ACTR3: variants seen among roughly 807,000 people sequenced by gnomAD.
ACTR3 encodes actin related protein 3, also known as actin-related protein 3.
Under a neutral mutation model 56.8 loss-of-function variants are expected in ACTR3, and 12 were observed. The observed-to-expected ratio is 0.21, with a 90% CI of 0.14 to 0.34. ACTR3 has a LOEUF of 0.34. ACTR3 is among the 10% of genes least tolerant of loss of function. The pLI is 1.00. For missense variants in ACTR3, 282 were observed against 512.5 expected (o/e 0.55, Z 4.34); for synonymous variants, 162 against 167.4 (o/e 0.97, Z 0.25).
At chr2:113,955,600 G>A (rs377127781) in intron 10 of ACTR3, 23 bp from the exon 11 acceptor site, 98 of 1,528,796 alleles carry the variant, frequency 6.4e-5, no homozygotes, top group Non-Finnish European at 8.3e-5. Flanking sequence ...CTATGAAGAT[G>A]ATCATACTAT....
At chr2:113,950,457 G>A (rs1296795904) in intron 8 of ACTR3, among the ~76,000 whole-genome samples, 2 of 152,194 alleles carry the variant, frequency 1.3e-5, no homozygotes, top group Non-Finnish European at 2.9e-5. Flanking sequence ...AATGGGGAAT[G>A]TGCACATCAG....
chr2:113,894,086 G>C (rs964773028), intron 1 of ACTR3, among the ~76,000 whole-genome samples: 10 of 151,490 alleles, frequency 6.6e-5, no homozygotes, highest in Admixed American at 1.3e-4. Context: ...TAATAATAAT[G>C]CTGTTTCTTT....
At chr2:113,930,822 A>G (rs946579232) in intron 4 of ACTR3, among the ~76,000 whole-genome samples, 1 of 152,230 alleles carries the variant, frequency 6.6e-6, no homozygotes, top group Non-Finnish European at 1.5e-5. Flanking sequence ...AGAAAGCTGT[A>G]CCATTAGATC....
At chr2:113,907,244 T>G (rs1259552863) in intron 1 of ACTR3, among the ~76,000 whole-genome samples, 1 of 152,172 alleles carries the variant, frequency 6.6e-6, no homozygotes, top group African/African-American at 2.4e-5. Context: ...CTTTTATGAA[T>G]TACTTTTTTG....
intron 5 of ACTR3, among the ~76,000 whole-genome samples, chr2:113,932,263 G>T (rs1679738051): frequency 6.6e-6 from 1 of 152,122 alleles, no homozygotes; most frequent in Non-Finnish European, 1.5e-5. Flanking sequence ...AAATATTTAA[G>T]GAGTCACTTA....
intron 3 of ACTR3, among the ~76,000 whole-genome samples, chr2:113,921,100 C>G (rs2104599974): frequency 6.6e-6 from 1 of 152,212 alleles, no homozygotes; most frequent in African/African-American, 2.4e-5. Context: ...TATATGAGTT[C>G]CCTTTTCTGC....
At chr2:113,907,474 A>C (rs1486838767) in intron 1 of ACTR3, among the ~76,000 whole-genome samples, 1 of 151,910 alleles carries the variant, frequency 6.6e-6, no homozygotes, top group Non-Finnish European at 1.5e-5. Flanking sequence ...GCTGGTGTTC[A>C]CCTCTTGTCC....
chr2:113,959,208 G>T lies in ACTR3; in HGVS notation c.*1753G>T, dbSNP rs1680278772. The T allele has an allele frequency of 6.6e-6, 1 of 151,842 alleles. No individual in the cohort carries two copies. Among genetic ancestry groups the T allele is most frequent in the Non-Finnish European group, 1.5e-5 (1 of 67,872 alleles). 9.4% of individuals were successfully genotyped at this position (151,842 alleles called of 1,614,324 possible). A position where few individuals can be genotyped will look rare whatever the true frequency, so the allele number is the denominator to read the frequency against. The stretch of plus-strand genomic sequence containing the variant: ...TACTTGGAATGTCTTAGATGTCCTT[G>T]TATTGTAATTTTCTGTGTAGGTAGA... On this transcript the variant is annotated 3_prime_UTR_variant, in exon 12 of 12. Coordinates refer to ENST00000263238, the MANE Select transcript of ACTR3 (RefSeq NM_005721.5).
chr2:113,922,730 T>G (rs2104601349), intron 3 of ACTR3, among the ~76,000 whole-genome samples: 1 of 152,320 alleles, frequency 6.6e-6, no homozygotes, highest in South Asian at 2.1e-4. Context: ...GGGTTGGATT[T>G]TGGTAGACAG....
chr2:113,934,812 T>G (rs557867127), intron 6 of ACTR3, among the ~76,000 whole-genome samples: 6 of 152,282 alleles, frequency 3.9e-5, no homozygotes, highest in Non-Finnish European at 8.8e-5. Context: ...TTAAGAAAAA[T>G]GCATCAAATT....
chr2:113,938,809 G>C (rs1422946970), intron 6 of ACTR3, among the ~76,000 whole-genome samples: 1 of 151,948 alleles, frequency 6.6e-6, no homozygotes, highest in Non-Finnish European at 1.5e-5. Flanking sequence ...CAATAATTTG[G>C]CCTACAAACT....
chr2:113,891,768 C>A (rs1034263793), intron 1 of ACTR3, among the ~76,000 whole-genome samples: 1 of 152,042 alleles, frequency 6.6e-6, no homozygotes, highest in South Asian at 2.1e-4. Context: ...TAGAGAGAAA[C>A]CACCAACTTC....
chr2:113,938,247 C>T (rs903691144), intron 6 of ACTR3, among the ~76,000 whole-genome samples: 1 of 152,024 alleles, frequency 6.6e-6, no homozygotes, highest in Non-Finnish European at 1.5e-5. Flanking sequence ...TGTTGACCTT[C>T]TTCATTATAT....
chr2:113,951,671 C>A, intron 9 of ACTR3, 49 bp from the exon 10 acceptor site: 1 of 1,481,370 alleles, frequency 6.8e-7, no homozygotes, highest in Non-Finnish European at 9.1e-7. Context: ...TATATTATAT[C>A]TTTAAACTTT....
intron 6 of ACTR3, among the ~76,000 whole-genome samples, chr2:113,936,175 C>T (rs1324600842): frequency 6.6e-6 from 1 of 151,676 alleles, no homozygotes; most frequent in East Asian, 1.9e-4. Flanking sequence ...GACTGTAGTC[C>T]CAGCTACTCC....
intron 8 of ACTR3, among the ~76,000 whole-genome samples, chr2:113,943,421 G>A (rs1280565400): frequency 6.6e-6 from 1 of 152,198 alleles, no homozygotes; most frequent in Non-Finnish European, 1.5e-5. Context: ...TGTTATGCAA[G>A]GGAGTTAGCT....
Position 113,961,633 on chromosome 2 carries a change from C to CA in ACTR3, c.*4179dup, listed in dbSNP as rs1680327980. 6.6e-6 allele frequency: 1 copy of CA among 151,906 alleles called. No homozygotes were observed. The highest frequency in any genetic ancestry group is 6.6e-5 in the Admixed American group (1 of 15,224). The allele number at this position is 151,906 out of a possible 1,614,324, so 9.4% of individuals were successfully genotyped here. ...GCATCAAGTTTTGAGCCTTCAATCC[C>CA]AGAAGCATTGATTGACTGTCTACTG... On this transcript the variant is annotated 3_prime_UTR_variant, in exon 12 of 12. Coordinates refer to ENST00000263238, the MANE Select transcript of ACTR3 (RefSeq NM_005721.5).
In ACTR3 at chr2:113,941,691, G is replaced by A. The variant is rs144722997; in HGVS notation, c.685-495G>A. On this transcript the variant is annotated intron_variant, in intron 7 of 11. Transcript: ENST00000263238. Reference sequence around the variant, plus strand: ...ATATAACCAAATATGCAACAAAATAGAGTAATTTATATTTTTAGCCTTTTT... The same window carrying A: ...ATATAACCAAATATGCAACAAAATAAAGTAATTTATATTTTTAGCCTTTTT... Among the ~76,000 whole-genome samples the A allele has an allele frequency of 2.8e-3, 428 of 152,152 alleles. 5 individuals carry two copies. The highest frequency in any genetic ancestry group is 0.012 in the Admixed American group (190 of 15,292).
At position 113,959,052 on chromosome 2, in the gene ACTR3, G is replaced by T. The variant is rs1218731100; in HGVS notation, c.*1597G>T. On this transcript the variant is annotated 3_prime_UTR_variant, in exon 12 of 12. Transcript: ENST00000263238. Reference sequence around the variant, plus strand: ...AGTAGTATCATCATCAGTATCAAAGGTCTCCTTTTTTTACTTGGAAAAGTA... The same window carrying T: ...AGTAGTATCATCATCAGTATCAAAGTTCTCCTTTTTTTACTTGGAAAAGTA... 2 of 151,854 alleles carry T rather than the reference G, an allele frequency of 1.3e-5. No individual in the cohort carries two copies. Among genetic ancestry groups the T allele is most frequent in the African/African-American group, 4.8e-5 (2 of 41,382 alleles). 9.4% of individuals were successfully genotyped at this position (151,854 alleles called of 1,614,324 possible).
Sources: gnomAD v4.1 joint callset for allele counts (sites outside exome capture counted in the v4.1 genomes callset) on GRCh38, gnomAD v4.1.1 for gene constraint, MANE v1.5 for transcripts, NCBI Gene and HGNC (gene_info 2026-07-23, HGNC 2026-07-21) for gene names.